Variants in PLEKHA5 observed in about 807,000 individuals in gnomAD.
PLEKHA5 encodes the protein pleckstrin homology domain containing A5, also known as pleckstrin homology domain-containing family A member 5.
PLEKHA5 carries 55 observed loss-of-function variants against 181.9 expected under a neutral mutation model. The observed-to-expected ratio is 0.30, with a 90% CI of 0.24 to 0.38. PLEKHA5 has a LOEUF of 0.38. PLEKHA5 is among the 10% of genes least tolerant of loss of function. The probability of loss-of-function intolerance (pLI) is 1.00; values close to 1 mark genes in which losing one functional copy is unlikely to be tolerated. For missense variants in PLEKHA5, 1,432 were observed against 1,549.5 expected, an observed-to-expected ratio of 0.92 and a Z score of 1.27; for synonymous variants, 535 against 529.4, an observed-to-expected ratio of 1.01 and a Z score of -0.15.
At chr12:19,345,696 G>A (rs1221527743) in intron 22 of PLEKHA5, 146 bp from the exon 23 acceptor site, 2 of 416,944 alleles carry the variant, frequency 4.8e-6, no homozygotes, top group Non-Finnish European at 8.7e-6. Flanking sequence ...CCAGGAGGCG[G>A]AGGTTGCAGT....
chr12:19,284,715 T>G (rs2076866021), intron 12 of PLEKHA5, among the ~76,000 whole-genome samples: 1 of 152,234 alleles, frequency 6.6e-6, no homozygotes, highest in South Asian at 2.1e-4. Context: ...CTTTGATTAG[T>G]CAGCTAGTAC....
At chr12:19,336,063 T>A (rs1364981558) in intron 20 of PLEKHA5, among the ~76,000 whole-genome samples, 2 of 152,190 alleles carry the variant, frequency 1.3e-5, no homozygotes, top group African/African-American at 4.8e-5. Context: ...AGGAGAAAAG[T>A]ACAGATGGAT....
At chr12:19,242,301 C>T (rs961358365) in intron 3 of PLEKHA5, among the ~76,000 whole-genome samples, 5 of 151,614 alleles carry the variant, frequency 3.3e-5, no homozygotes, top group African/African-American at 7.3e-5. Flanking sequence ...TGCAGTGGCA[C>T]GATCTTGGCT....
At chr12:19,159,666 A>G (rs1178409784) in intron 3 of PLEKHA5, among the ~76,000 whole-genome samples, 3 of 152,156 alleles carry the variant, frequency 2.0e-5, no homozygotes, top group African/African-American at 4.8e-5. Context: ...TGTCTTTTCT[A>G]GACTGATTAA....
intron 3 of PLEKHA5, among the ~76,000 whole-genome samples, chr12:19,139,252 C>G (rs1038502412): frequency 6.6e-6 from 1 of 152,114 alleles, no homozygotes; most frequent in Non-Finnish European, 1.5e-5. Context: ...AGACCCTTGA[C>G]CGGAATAAAG....
At chr12:19,136,541 T>A (rs189351076) in intron 3 of PLEKHA5, among the ~76,000 whole-genome samples, 97 of 152,304 alleles carry the variant, frequency 6.4e-4, no homozygotes, top group African/African-American at 2.1e-3. Flanking sequence ...TTAATGATTC[T>A]GTAATGACAG....
chr12:19,254,047 G>A (rs1266105537), intron 4 of PLEKHA5, 24 bp downstream of exon 4: 2 of 1,365,596 alleles, frequency 1.5e-6, no homozygotes, highest in Non-Finnish European at 2.1e-6. Flanking sequence ...TTCATGGAAT[G>A]CCTGTATTCA....
chr12:19,362,191 A>AG (rs2095269172), intron 29 of PLEKHA5, among the ~76,000 whole-genome samples: 3 of 124,918 alleles, frequency 2.4e-5, no homozygotes, highest in Admixed American at 8.5e-5. Flanking sequence ...AAAAAAAAAA[A>AG]GGCATAATAA....
chr12:19,277,327 TAGAG>T (rs1286837753), intron 11 of PLEKHA5, among the ~76,000 whole-genome samples: 3 of 152,292 alleles, frequency 2.0e-5, no homozygotes, highest in South Asian at 4.1e-4. Context: ...TAAAAGTGTA[TAGAG>T]AGAGTCAACA....
intron 3 of PLEKHA5, among the ~76,000 whole-genome samples, chr12:19,191,840 C>T (rs1008626062): frequency 2.0e-5 from 3 of 152,106 alleles, no homozygotes; most frequent in African/African-American, 7.2e-5. Context: ...CATAAGGCTG[C>T]GTGACCCATG....
At chr12:19,277,758 C>A (rs1440536473) in intron 11 of PLEKHA5, among the ~76,000 whole-genome samples, 2 of 152,026 alleles carry the variant, frequency 1.3e-5, no homozygotes, top group East Asian at 3.9e-4. Context: ...TGAAAGTCTT[C>A]TATTATTAAA....
chr12:19,313,108 G>T (rs1251315504), intron 15 of PLEKHA5, among the ~76,000 whole-genome samples: 1 of 152,060 alleles, frequency 6.6e-6, no homozygotes, highest in East Asian at 1.9e-4. Context: ...TATGAGCGAG[G>T]TTCCTGGCTC....
At chr12:19,337,548 C>CAA (rs1157232818) in intron 21 of PLEKHA5, among the ~76,000 whole-genome samples, 33 of 61,546 alleles carry the variant, frequency 5.4e-4, no homozygotes, top group Admixed American at 1.2e-3. Flanking sequence ...GACTCTATCT[C>CAA]AAAAAAAAAA....
chr12:19,292,423 GAGAA>G (rs1212386062), intron 15 of PLEKHA5, among the ~76,000 whole-genome samples: 1 of 152,024 alleles, frequency 6.6e-6, no homozygotes, highest in Admixed American at 6.6e-5. Context: ...TAAAGAAACA[GAGAA>G]AGAGAGAGAG....
chr12:19,196,704 A>G (rs2052834459), intron 3 of PLEKHA5, among the ~76,000 whole-genome samples: 1 of 152,124 alleles, frequency 6.6e-6, no homozygotes, highest in South Asian at 2.1e-4. Context: ...TTATTAATGT[A>G]TCCACAACAC....
chr12:19,365,227 C>T (rs1271252898), intron 29 of PLEKHA5, among the ~76,000 whole-genome samples: 1 of 151,816 alleles, frequency 6.6e-6, no homozygotes, highest in Non-Finnish European at 1.5e-5. Context: ...AAAAGCCGGA[C>T]GTGGTGGCAG....
intron 31 of PLEKHA5, among the ~76,000 whole-genome samples, chr12:19,370,040 A>T (rs1482987990): frequency 6.6e-6 from 1 of 152,178 alleles, no homozygotes; most frequent in Non-Finnish European, 1.5e-5. Context: ...AAAACAACAA[A>T]ATTTGGAGGG....
chr12:19,267,908 C>T (rs953664503), intron 8 of PLEKHA5, among the ~76,000 whole-genome samples: 15 of 151,736 alleles, frequency 9.9e-5, no homozygotes, highest in East Asian at 3.9e-4. Flanking sequence ...TGCAGTGAGC[C>T]GAGATCGCGC....
At chr12:19,312,481 G>A (rs2086911735) in intron 15 of PLEKHA5, among the ~76,000 whole-genome samples, 1 of 152,196 alleles carries the variant, frequency 6.6e-6, no homozygotes, top group Admixed American at 6.5e-5. Context: ...ACTTGCTGCA[G>A]CTTCTCCATC....
Sources: allele counts gnomAD v4.1 joint callset (sites outside exome capture counted in the v4.1 genomes callset), GRCh38; gene constraint gnomAD v4.1.1; transcripts MANE v1.5; gene names NCBI Gene and HGNC (gene_info 2026-07-23, HGNC 2026-07-21).